PCDHGA4: variants seen among roughly 807,000 people sequenced by gnomAD.
PCDHGA4 encodes protocadherin gamma subfamily A, 4.
PCDHGA4 carries 38 observed loss-of-function variants against 54.6 expected under a neutral mutation model. The ratio of observed to expected loss-of-function variants is 0.70; its 90% confidence interval spans 0.54 to 0.91. PCDHGA4 has a LOEUF of 0.91. PCDHGA4 is among the 40% of genes least tolerant of loss of function. The pLI, the probability that PCDHGA4 is intolerant of heterozygous loss-of-function variation, is 0.00. For synonymous variants in PCDHGA4, 511 were observed against 512.9 expected (o/e 1.00, Z 0.05); for missense variants, 1,298 against 1,220.9 (o/e 1.06, Z -0.94).
At chr5:141,404,232 G>GTCCAC (rs2094500642) in intron 1 of PCDHGA4, 1 of 1,613,696 alleles carries the variant, frequency 6.2e-7, no homozygotes, top group African/African-American at 1.3e-5. Flanking sequence ...GCAACAGACA[G>GTCCAC]AGGAACTCCG....
At chr5:141,449,202 C>T (rs77980623) in intron 1 of PCDHGA4, among the ~76,000 whole-genome samples, 7,411 of 152,148 alleles carry the variant, frequency 0.049, 284 homozygotes, top group African/African-American at 0.1. Context: ...AGTGTTAATT[C>T]TAACTTTCTG....
At chr5:141,494,183 G>A (rs971032835) in intron 1 of PCDHGA4, among the ~76,000 whole-genome samples, 2 of 152,146 alleles carry the variant, frequency 1.3e-5, no homozygotes, top group Non-Finnish European at 2.9e-5. Context: ...GAAGTGTCCC[G>A]GGACTTGGAT....
chr5:141,404,736 A>G, intron 1 of PCDHGA4: 1 of 1,613,622 alleles, frequency 6.2e-7, no homozygotes, highest in Non-Finnish European at 8.5e-7. Context: ...GTGGCAGTGG[A>G]CAGAGACTCA....
chr5:141,485,546 G>C lies in PCDHGA4; in HGVS notation c.2515-9261G>C. The C allele has an allele frequency of 6.2e-7, 1 of 1,614,074 alleles. No individual in the cohort carries two copies. ...GTACCGAGCAGAGGTAGAGATCGTA[G>C]ATGTGAATGATCACGCCCCCCGTTT... is the stretch of plus-strand genomic sequence containing the variant. On this transcript the variant is annotated intron_variant, in intron 1 of 3. Coordinates refer to ENST00000571252, the MANE Select transcript of PCDHGA4 (RefSeq NM_018917.4). The surrounding 1 kb of genome is among the most constrained non-coding windows in gnomAD (Gnocchi z 5.7).
intron 1 of PCDHGA4, chr5:141,417,045 A>G (rs890407837): frequency 7.2e-5 from 11 of 152,144 alleles, no homozygotes; most frequent in Admixed American, 1.3e-4. Context: ...TTTTAAAAAA[A>G]ACTGCTCTTG....
chr5:141,506,447 A>G (rs1405495926), intron 3 of PCDHGA4, among the ~76,000 whole-genome samples: 3 of 146,906 alleles, frequency 2.0e-5, no homozygotes, highest in Non-Finnish European at 3.0e-5. Flanking sequence ...TCTGTCTCAA[A>G]AAAAAAAAAA....
chr5:141,425,242 G>A (rs2096863400), intron 1 of PCDHGA4, among the ~76,000 whole-genome samples: 1 of 152,128 alleles, frequency 6.6e-6, no homozygotes, highest in South Asian at 2.1e-4. Context: ...TAAATAAAAA[G>A]GATATGAGGT....
rs889285153 is a variant in PCDHGA4, at chr5:141,494,978, T to C, written c.2573+113T>C. ...TGCTACAGATGGCTTCTCCCTCAGT[T>C]TGAGATCCCAGGGAGGTCTTGGTGT... On this transcript the variant is annotated intron_variant, in intron 2 of 3. Transcript: ENST00000571252. 7.6e-6 allele frequency: 12 copies of C among 1,572,974 alleles called. No homozygotes were observed. In the Admixed American group the frequency reaches 1.3e-4, roughly 17 times the overall value.
Position 141,491,302 on chromosome 5 carries a change from T to TC in PCDHGA4, c.2515-3504dup. The TC allele has an allele frequency of 6.2e-7, 1 of 1,614,126 alleles. No individual in the cohort carries two copies. Among genetic ancestry groups the TC allele is most frequent in the Non-Finnish European group, 8.5e-7 (1 of 1,180,000 alleles). On this transcript the variant is annotated intron_variant, in intron 1 of 3. Transcript: ENST00000571252. The surrounding 1 kb of genome is among the most constrained non-coding windows in gnomAD (Gnocchi z 6.9). ...CTTCCTCATACACCCTCCTGAGCGT[T>TC]CAGACCTTACCCTTTACCTCATTGT... is the stretch of plus-strand genomic sequence containing the variant.
chr5:141,428,199 C>T (rs760718878), intron 1 of PCDHGA4: 28 of 1,364,510 alleles, frequency 2.1e-5, no homozygotes, highest in Non-Finnish European at 2.9e-5. Flanking sequence ...CTCTCTGCGC[C>T]GCTACGCTTC....
rs556183945 is a variant in PCDHGA4 at position 141,404,478 on chromosome 5, C to G, written c.2514+46857C>G. On this transcript the variant is annotated intron_variant, in intron 1 of 3. Coordinates refer to ENST00000571252, the MANE Select transcript of PCDHGA4 (RefSeq NM_018917.4). ...CTCTCCACCTATGTCTCTATTAACT[C>G]AGACACTGGTGTGCTGTATGCTCTG... 36 of 1,613,412 alleles carry G rather than the reference C, an allele frequency of 2.2e-5. No homozygotes were observed. In the South Asian group the frequency reaches 3.6e-4, roughly 16 times the overall value.
chr5:141,423,897 T>G, intron 1 of PCDHGA4: 7 of 1,278,866 alleles, frequency 5.5e-6, no homozygotes, highest in Non-Finnish European at 6.9e-6. Flanking sequence ...TTTCTTTTGA[T>G]TTCAAAGGGG....
chr5:141,383,727 A>G, intron 1 of PCDHGA4: 1 of 1,614,016 alleles, frequency 6.2e-7, no homozygotes, highest in South Asian at 1.1e-5. Flanking sequence ...TCAATGGGGA[A>G]GTGACATATT....
intron 1 of PCDHGA4, chr5:141,484,853 G>T (rs747582810): frequency 2.5e-4 from 64 of 251,466 alleles, no homozygotes; most frequent in Non-Finnish European, 4.3e-4. Flanking sequence ...GGGTTTTTTG[G>T]GGGGTGGGGG....
chr5:141,404,682 T>G lies in PCDHGA4; in HGVS notation c.2514+47061T>G, dbSNP rs766278950. 2.5e-6 allele frequency: 4 copies of G among 1,613,914 alleles called. No individual in the cohort carries two copies. Among genetic ancestry groups the G allele is most frequent in the Non-Finnish European group, 2.5e-6 (3 of 1,179,906 alleles). On this transcript the variant is annotated intron_variant, in intron 1 of 3. Coordinates refer to ENST00000571252, the MANE Select transcript of PCDHGA4 (RefSeq NM_018917.4). ...ACTGATGGTTCTACTGGTGTGGAGC[T>G]GGCACCCCGCTCTGCAGAGCCTGGC...
rs781651287 is a variant in PCDHGA4, at chr5:141,505,380, A to G, written c.2574-13A>G. ...CCTGGGAGTCTGTGCTCACCATCCT[A>G]CTCTCTCCCCAGCTCCCAAAATGGC... On this transcript the variant is annotated splice_polypyrimidine_tract_variant and intron_variant, in intron 2 of 3. Transcript: ENST00000571252. The G allele has an allele frequency of 4.3e-6, 7 of 1,613,362 alleles. No homozygotes were observed. The African/African-American group carries it at 5.4e-5, about 12-fold the overall frequency.
chr5:141,361,612 G>A (rs1485952478), intron 1 of PCDHGA4: 2 of 1,613,984 alleles, frequency 1.2e-6, no homozygotes, highest in Admixed American at 1.7e-5. Flanking sequence ...CTCCATCGTA[G>A]CGAGCGACCT....
chr5:141,476,137 G>A lies in PCDHGA4; in HGVS notation c.2515-18670G>A. The A allele has an allele frequency of 1.2e-6, 2 of 1,609,204 alleles. No homozygotes were observed. The highest frequency in any genetic ancestry group is 1.7e-6 in the Non-Finnish European group (2 of 1,178,592). On this transcript the variant is annotated intron_variant, in intron 1 of 3. Coordinates refer to ENST00000571252, the MANE Select transcript of PCDHGA4 (RefSeq NM_018917.4). The surrounding 1 kb of genome is among the most constrained non-coding windows in gnomAD (Gnocchi z 7.6). ...GTGAGATGGTCCCAGAGGCCTGGAGGAGCGGACTGGTAAGCACCGGGAGGG... is the reference window on the plus strand; with the variant it reads ...GTGAGATGGTCCCAGAGGCCTGGAGAAGCGGACTGGTAAGCACCGGGAGGG...
intron 1 of PCDHGA4, chr5:141,389,833 C>T (rs1561628239): frequency 6.2e-7 from 1 of 1,613,996 alleles, no homozygotes; most frequent in East Asian, 2.2e-5. Flanking sequence ...GGTGGACAGC[C>T]ACCACTCTCG....
Sources: allele counts gnomAD v4.1 joint callset (sites outside exome capture counted in the v4.1 genomes callset), GRCh38; gene constraint gnomAD v4.1.1; non-coding constraint Gnocchi (gnomAD v3.1); transcripts MANE v1.5; gene names NCBI Gene and HGNC (gene_info 2026-07-23, HGNC 2026-07-21).